The following VWC2L variants were observed in gnomAD, a reference collection of about 807,000 sequenced individuals.
VWC2L encodes the protein von Willebrand factor C domain containing 2 like, also known as von Willebrand factor C domain-containing protein 2-like.
VWC2L carries 10 observed loss-of-function variants against 21.6 expected under a neutral mutation model. The observed-to-expected ratio is 0.46, with a 90% CI of 0.29 to 0.78. The LOEUF is 0.78. VWC2L is among the 30% of genes least tolerant of loss of function. VWC2L has a pLI of 0.10. For missense variants in VWC2L, 209 were observed against 277.1 expected (o/e 0.75, Z 1.74); for synonymous variants, 96 against 94.3 (o/e 1.02, Z -0.10).
intron 3 of VWC2L, among the ~76,000 whole-genome samples, chr2:214,532,798 A>T (rs1689460374): frequency 6.6e-6 from 1 of 152,106 alleles, no homozygotes; most frequent in Non-Finnish European, 1.5e-5. Flanking sequence ...CAGGTGTTAG[A>T]GCAGAAACCT....
At chr2:214,454,490 T>G (rs992996053) in intron 3 of VWC2L, among the ~76,000 whole-genome samples, 1 of 151,510 alleles carries the variant, frequency 6.6e-6, no homozygotes, top group Admixed American at 6.6e-5. Flanking sequence ...TTTTTTTTAC[T>G]CAGGAATTGA....
intron 3 of VWC2L, among the ~76,000 whole-genome samples, chr2:214,463,059 C>T (rs1703164718): frequency 1.3e-5 from 2 of 151,948 alleles, no homozygotes; most frequent in Admixed American, 6.6e-5. Flanking sequence ...TCTTGGTGAA[C>T]GTTTCACATC....
chr2:214,444,100 C>A, intron 3 of VWC2L, among the ~76,000 whole-genome samples: 1 of 151,786 alleles, frequency 6.6e-6, no homozygotes, highest in African/African-American at 2.4e-5. Flanking sequence ...GCAGAGGTAT[C>A]AATAAAATAT....
At chr2:214,418,039 G>C (rs950655130) in intron 2 of VWC2L, among the ~76,000 whole-genome samples, 1 of 152,020 alleles carries the variant, frequency 6.6e-6, no homozygotes, top group African/African-American at 2.4e-5. Flanking sequence ...TTGCACTGCT[G>C]TTCCACAGTA....
At chr2:214,427,552 A>C (rs2023353831) in intron 2 of VWC2L, among the ~76,000 whole-genome samples, 1 of 152,182 alleles carries the variant, frequency 6.6e-6, no homozygotes, top group Non-Finnish European at 1.5e-5. Flanking sequence ...ATCGAACCAC[A>C]ATTTGAGTGC....
chr2:214,484,037 T>C (rs1688642720), intron 3 of VWC2L, among the ~76,000 whole-genome samples: 1 of 152,180 alleles, frequency 6.6e-6, no homozygotes, highest in South Asian at 2.1e-4. Flanking sequence ...CAATCTTTGG[T>C]GTTCCTTGGC....
At chr2:214,526,977 T>C (rs774049380) in intron 3 of VWC2L, among the ~76,000 whole-genome samples, 6 of 152,038 alleles carry the variant, frequency 3.9e-5, no homozygotes, top group South Asian at 2.1e-4. Context: ...CAACAGTGGA[T>C]TGGATAAAGA....
chr2:214,413,218 T>C (rs1055120797), intron 1 of VWC2L, among the ~76,000 whole-genome samples: 3 of 152,064 alleles, frequency 2.0e-5, no homozygotes, highest in African/African-American at 7.2e-5. Context: ...TCAAGAGTTA[T>C]GTTTTCAAGA....
chr2:214,460,640 T>C (rs905073654), intron 3 of VWC2L, among the ~76,000 whole-genome samples: 2 of 152,182 alleles, frequency 1.3e-5, no homozygotes, highest in African/African-American at 2.4e-5. Flanking sequence ...TAACATCTAT[T>C]TCTTTGATGA....
intron 3 of VWC2L, among the ~76,000 whole-genome samples, chr2:214,559,582 T>G (rs541181477): frequency 2.1e-4 from 32 of 151,790 alleles, no homozygotes; most frequent in East Asian, 3.9e-4. Context: ...CTCTTTATTT[T>G]TCACAAATTT....
At chr2:214,490,468 T>C (rs1318425976) in intron 3 of VWC2L, among the ~76,000 whole-genome samples, 2 of 151,826 alleles carry the variant, frequency 1.3e-5, no homozygotes, top group Admixed American at 1.3e-4. Context: ...TTGAAGCATA[T>C]AGATGGGAAG....
At chr2:214,448,551 C>T (rs904333406) in intron 3 of VWC2L, among the ~76,000 whole-genome samples, 8 of 152,116 alleles carry the variant, frequency 5.3e-5, no homozygotes, top group Non-Finnish European at 8.8e-5. Context: ...AAAAGACAGA[C>T]GGATTGCCAG....
Position 214,459,622 on chromosome 2 carries a change from G to C in VWC2L, c.520+22864G>C, listed in dbSNP as rs1337035083. 3.3e-5 allele frequency among the ~76,000 whole-genome samples: 5 copies of C among 152,184 alleles called. No homozygotes were observed. In the East Asian group the frequency reaches 9.7e-4, roughly 29 times the overall value. ...TTTCACTACCAGGTGTAGGACTCTA[G>C]GACTCTCTTAAGCATTTCTGTTGGA... On this transcript the variant is annotated intron_variant, in intron 3 of 3. Transcript: ENST00000312504.
At chr2:214,492,350 G>C (rs887803653) in intron 3 of VWC2L, among the ~76,000 whole-genome samples, 2 of 152,190 alleles carry the variant, frequency 1.3e-5, no homozygotes, top group Admixed American at 1.3e-4. Flanking sequence ...GAACTCCACA[G>C]TTCATCAACC....
At chr2:214,438,668 A>C (rs1046180884) in intron 3 of VWC2L, among the ~76,000 whole-genome samples, 1 of 152,040 alleles carries the variant, frequency 6.6e-6, no homozygotes, top group Non-Finnish European at 1.5e-5. Flanking sequence ...TGTCTATGTC[A>C]TATGTTAAAT....
intron 3 of VWC2L, among the ~76,000 whole-genome samples, chr2:214,441,016 T>G (rs1490655109): frequency 6.6e-6 from 1 of 152,176 alleles, no homozygotes; most frequent in Non-Finnish European, 1.5e-5. Flanking sequence ...TGTACACACA[T>G]TAAGTTTTCA....
At chr2:214,543,717 A>T (rs1041864970) in intron 3 of VWC2L, among the ~76,000 whole-genome samples, 1 of 151,982 alleles carries the variant, frequency 6.6e-6, no homozygotes, top group Non-Finnish European at 1.5e-5. Flanking sequence ...AGCTTAATTG[A>T]ATAAACAATG....
chr2:214,453,077 A>T (rs893264069), intron 3 of VWC2L, among the ~76,000 whole-genome samples: 2 of 152,178 alleles, frequency 1.3e-5, no homozygotes, highest in South Asian at 4.1e-4. Flanking sequence ...TAATTATAAT[A>T]AAGTATAATT....
rs201681361 is a variant in VWC2L at position 214,522,946 on chromosome 2, TAAG to T, written c.521-52720_521-52718del. On this transcript the variant is annotated intron_variant, in intron 3 of 3. Coordinates refer to ENST00000312504, the MANE Select transcript of VWC2L (RefSeq NM_001080500.4). ...GTCCCAAAGCTGACTCTTTTTAATA[TAAG>T]AAGAACATGTTGCTTGTTTATATAA... Among the ~76,000 whole-genome samples, 1,318 of 152,316 alleles carry T rather than the reference TAAG, an allele frequency of 8.7e-3. 8 individuals carry two copies. The highest frequency in any genetic ancestry group is 0.014 in the Admixed American group (209 of 15,292).
Sources: gnomAD v4.1 joint callset for allele counts (sites outside exome capture counted in the v4.1 genomes callset) on GRCh38, gnomAD v4.1.1 for gene constraint, MANE v1.5 for transcripts, NCBI Gene and HGNC (gene_info 2026-07-23, HGNC 2026-07-21) for gene names.